Variants in CEMIP2 observed in about 807,000 individuals in gnomAD.
CEMIP2 encodes cell surface hyaluronidase CEMIP2.
A neutral mutation model predicts 146.9 loss-of-function variants in CEMIP2; 79 were observed. The ratio of observed to expected loss-of-function variants is 0.54; its 90% confidence interval spans 0.45 to 0.65. The LOEUF is 0.65. Among genes scored for constraint, CEMIP2 ranks in the 30% least tolerant of loss-of-function variants. The probability of loss-of-function intolerance (pLI) is 0.00; values close to 1 mark genes in which losing one functional copy is unlikely to be tolerated. For missense variants in CEMIP2, 1,596 were observed against 1,696.2 expected (o/e 0.94, Z 1.04); for synonymous variants, 601 against 606.3 (o/e 0.99, Z 0.13).
At chr9:71,712,775 A>G (rs1368533332) in intron 15 of CEMIP2, among the ~76,000 whole-genome samples, 1 of 152,232 alleles carries the variant, frequency 6.6e-6, no homozygotes, top group African/African-American at 2.4e-5. Context: ...TACCATGTCA[A>G]CAGGGTTAGC....
Position 71,712,091 on chromosome 9 carries a change from C to A in CEMIP2, c.2761G>T (p.Gly921Cys). 1.2e-6 allele frequency: 2 copies of A among 1,613,764 alleles called. No homozygotes were observed. Among genetic ancestry groups the A allele is most frequent in the Non-Finnish European group, 1.7e-6 (2 of 1,179,852 alleles). ...PRNNISLVKF[G>C]PHVSLNVFFG... ...CTACAGAACATACTTACATGTGGAC[C>A]AAACTTCACGAGGGAGATATTATTC... is the stretch of plus-strand genomic sequence containing the variant. Residue 921 changes from glycine to cysteine, a missense_variant, in exon 16 of 24, where the codon GGT becomes TGT. Gly to Cys is a radical substitution (Grantham distance 159). Transcript: ENST00000377044.
intron 10 of CEMIP2, among the ~76,000 whole-genome samples, chr9:71,728,243 A>ATATACGTG (rs1564012174): frequency 2.0e-5 from 1 of 49,214 alleles, no homozygotes; most frequent in Non-Finnish European, 4.4e-5. Context: ...ATATATATAT[A>ATATACGTG]TATATATGTA....
Position 71,745,194 on chromosome 9 carries a change from A to G in CEMIP2, c.858T>C (p.Asp286=), listed in dbSNP as rs762881928. 44 of 1,613,992 alleles carry G rather than the reference A, an allele frequency of 2.7e-5. No individual in the cohort carries two copies. In the South Asian group the frequency reaches 4.5e-4, roughly 17 times the overall value. The part of the protein sequence containing the change: ...TAKILESERF[D]THEYRNESRR... ...TGCTCTCATTGCGGTATTCATGGGT[A>G]TCAAATCTCTCACTTTCCAAAATTT... The change falls in exon 4 of 24, where the codon GAT becomes GAC. Residue 286 remains aspartate (D), a synonymous_variant. Transcript: ENST00000377044.
Position 71,745,020 on chromosome 9 carries a change from G to A in CEMIP2, c.1032C>T (p.Tyr344=), listed in dbSNP as rs1322374221. Residue 344 remains tyrosine (Y), a splice_region_variant and synonymous_variant, in exon 4 of 24, where the codon TAC becomes TAT. Transcript: ENST00000377044. ...LGSELIQGLG[Y]RQAWALVGVI... is the part of the protein sequence containing the mutation. ...ATCTGGGAAGAAGGTATGCCTACCT[G>A]TAGCCCAGTCCTTGGATCAGTTCAC... The A allele has an allele frequency of 6.2e-7, 1 of 1,612,834 alleles. No homozygotes were observed. Among genetic ancestry groups the A allele is most frequent in the South Asian group, 1.1e-5 (1 of 90,998 alleles).
chr9:71,689,692 T>C (rs1271835333), intron 22 of CEMIP2, among the ~76,000 whole-genome samples: 1 of 152,162 alleles, frequency 6.6e-6, no homozygotes, highest in African/African-American at 2.4e-5. Context: ...CACTTCAAAA[T>C]AGTAATAAGC....
chr9:71,690,277 T>C (rs1321486792), intron 21 of CEMIP2, 31 bp from the exon 22 acceptor site: 2 of 1,604,850 alleles, frequency 1.2e-6, no homozygotes, highest in South Asian at 1.1e-5. Flanking sequence ...TCTGCTGTCA[T>C]CATCATTTTG....
In CEMIP2 at chr9:71,730,173, G is replaced by C; in HGVS notation, c.1854C>G (p.Phe618Leu). ...EDGIEQRNTL[F>L]HNLGLLTKPG... ...GCTTGGTGAGGAGTCCCAGATTGTG[G>C]AACAAAGTATTCCTCTGTTCAATAC... The change falls in exon 9 of 24, where the codon TTC (phenylalanine) becomes TTG (leucine). Residue 618 changes from phenylalanine to leucine, a missense_variant. Coordinates refer to ENST00000377044, the MANE Select transcript of CEMIP2 (RefSeq NM_013390.3). 6.2e-7 allele frequency: 1 copy of C among 1,614,100 alleles called. No homozygotes were observed. Among genetic ancestry groups the C allele is most frequent in the East Asian group, 2.2e-5 (1 of 44,886 alleles).
intron 12 of CEMIP2, among the ~76,000 whole-genome samples, chr9:71,721,138 G>T (rs111816601): frequency 3.9e-5 from 6 of 152,042 alleles, no homozygotes; most frequent in African/African-American, 1.2e-4. Flanking sequence ...AGAACCAATT[G>T]TGTTTATGGA....
At chr9:71,746,883 C>A (rs1172959894) in intron 2 of CEMIP2, among the ~76,000 whole-genome samples, 5 of 152,102 alleles carry the variant, frequency 3.3e-5, no homozygotes, top group Non-Finnish European at 5.9e-5. Flanking sequence ...GTGCACTCTC[C>A]CAACAAAATG....
At position 71,746,291 on chromosome 9, in the gene CEMIP2, C is replaced by G. The variant is rs1717884553; in HGVS notation, c.382G>C (p.Asp128His). The stretch of plus-strand genomic sequence containing the variant: ...TTGATAACAACTTGCTTTGCAGAAT[C>G]TTGTCCTGGATCCCAATTCCTGAGA... Reference protein sequence around the residue: ...PRLRNWDPGQDSAKQVVIKEG... With the variant: ...PRLRNWDPGQHSAKQVVIKEG... The change falls in exon 3 of 24, where the codon GAT becomes CAT. Residue 128 changes from aspartate (D) to histidine (H), a missense_variant. By Grantham distance (81) the Asp-to-His change is moderately conservative. Transcript: ENST00000377044. 1.2e-6 allele frequency: 2 copies of G among 1,613,984 alleles called. No homozygotes were observed.
At chr9:71,692,846 G>A (rs2131858876) in intron 21 of CEMIP2, among the ~76,000 whole-genome samples, 1 of 152,254 alleles carries the variant, frequency 6.6e-6, no homozygotes, top group South Asian at 2.1e-4. Flanking sequence ...AGGGTGCGGT[G>A]AGCCGAGATT....
chr9:71,684,084 T>C lies in CEMIP2; in HGVS notation c.*1113A>G, dbSNP rs1821984917. 1.3e-5 allele frequency: 2 copies of C among 152,192 alleles called. No homozygotes were observed. Among genetic ancestry groups the C allele is most frequent in the Admixed American group, 6.5e-5 (1 of 15,290 alleles). The allele number at this position is 152,192 out of a possible 1,614,324, so 9.4% of individuals were successfully genotyped here. A position where few individuals can be genotyped will look rare whatever the true frequency, so the allele number is the denominator to read the frequency against. ...CTTTTTAATTGGCTTTAACATTTCA[T>C]TAAGTAAGAGTGACTCATTCCTGCA... On this transcript the variant is annotated 3_prime_UTR_variant, in exon 24 of 24. Coordinates refer to ENST00000377044, the MANE Select transcript of CEMIP2 (RefSeq NM_013390.3).
At chr9:71,756,880 A>G (rs1472760348) in intron 1 of CEMIP2, among the ~76,000 whole-genome samples, 1 of 152,220 alleles carries the variant, frequency 6.6e-6, no homozygotes, top group Non-Finnish European at 1.5e-5. Context: ...GCACACAGAA[A>G]AAAAGAAACA....
chr9:71,752,986 A>C (rs527276924), intron 1 of CEMIP2, among the ~76,000 whole-genome samples: 485 of 152,316 alleles, frequency 3.2e-3, no homozygotes, highest in African/African-American at 0.011. Context: ...CAAAAGAAAA[A>C]CACCACCATT....
chr9:71,734,134 C>A (rs893720046), intron 6 of CEMIP2, among the ~76,000 whole-genome samples: 3 of 152,170 alleles, frequency 2.0e-5, no homozygotes, highest in Non-Finnish European at 4.4e-5. Context: ...AGGCGGGAGC[C>A]ACTGCTCCCA....
chr9:71,707,526 C>G (rs1210020589), intron 17 of CEMIP2, among the ~76,000 whole-genome samples: 1 of 152,070 alleles, frequency 6.6e-6, no homozygotes, highest in African/African-American at 2.4e-5. Flanking sequence ...CTTTAATTGT[C>G]GTAATTCAAA....
intron 11 of CEMIP2, among the ~76,000 whole-genome samples, chr9:71,723,489 T>C (rs2131942775): frequency 6.6e-6 from 1 of 152,316 alleles, no homozygotes; most frequent in East Asian, 1.9e-4. Flanking sequence ...TAAGTAGAAT[T>C]GATATCATTT....
At chr9:71,730,654 G>C (rs1381745940) in intron 8 of CEMIP2, 51 bp downstream of exon 8, 1 of 1,561,834 alleles carries the variant, frequency 6.4e-7, no homozygotes. Flanking sequence ...GAGAATTAAA[G>C]AGAGTTAACT....
At chr9:71,701,158 T>A (rs763247959) in intron 18 of CEMIP2, among the ~76,000 whole-genome samples, 32 of 152,138 alleles carry the variant, frequency 2.1e-4, no homozygotes, top group Non-Finnish European at 4.3e-4. Context: ...CAGGCTGGAG[T>A]GCAGTGGCGC....
Sources: allele counts gnomAD v4.1 joint callset (sites outside exome capture counted in the v4.1 genomes callset), GRCh38; gene constraint gnomAD v4.1.1; transcripts MANE v1.5; gene names NCBI Gene and HGNC (gene_info 2026-07-23, HGNC 2026-07-21).